NRIP1: variants seen among roughly 807,000 people sequenced by gnomAD.
NRIP1 encodes the protein nuclear receptor-interacting protein 1.
A neutral mutation model predicts 75.0 loss-of-function variants in NRIP1; 28 were observed. The observed-to-expected ratio is 0.37, with a 90% confidence interval of 0.28 to 0.51. The LOEUF is 0.51. Ranked by LOEUF, NRIP1 falls within the 20% of genes least tolerant of loss-of-function variation. NRIP1 has a pLI of 0.92. For missense variants in NRIP1, 1,435 were observed against 1,343.7 expected (o/e 1.07, Z -1.06); for synonymous variants, 526 against 487.6 (o/e 1.08, Z -1.04).
rs78976778 is a variant in NRIP1, at chr21:15,000,273, T to C, written c.-335+14071A>G. Among the ~76,000 whole-genome samples, 24 of 152,038 alleles carry C rather than the reference T, an allele frequency of 1.6e-4. No homozygotes were observed. In the East Asian group the frequency reaches 2.5e-3, roughly 16 times the overall value. On this transcript the variant is annotated intron_variant, in intron 3 of 3. Coordinates refer to ENST00000318948, the MANE Select transcript of NRIP1 (RefSeq NM_003489.4). ...ACACTGCACAGATTGAAACCACAAA[T>C]AGCCAAGAGAGAAGAAAGGAATGTA...
chr21:15,050,067 T>G (rs910868305), intron 1 of NRIP1: 7 of 152,266 alleles, frequency 4.6e-5, no homozygotes, highest in Admixed American at 2.6e-4. Context: ...CATAATAAAA[T>G]ACTAATTCCT....
rs2086669728 is a variant in NRIP1, at chr21:14,964,542, T to C, written c.*174A>G. ...TCAGTAGTTTCCTCATGACATCTAATGTTAAGCAAAAATTAGTATGCATAT... is the reference window on the plus strand; with the variant it reads ...TCAGTAGTTTCCTCATGACATCTAACGTTAAGCAAAAATTAGTATGCATAT... On this transcript the variant is annotated 3_prime_UTR_variant, in exon 4 of 4. Coordinates refer to ENST00000318948, the MANE Select transcript of NRIP1 (RefSeq NM_003489.4). The C allele has an allele frequency of 1.1e-5, 6 of 527,700 alleles. No homozygotes were observed. The highest frequency in any genetic ancestry group is 1.9e-5 in the Non-Finnish European group (6 of 310,992). The allele number at this position is 527,700 out of a possible 1,614,324, so 32.7% of individuals were successfully genotyped here.
chr21:15,037,400 C>A (rs1193373949), intron 2 of NRIP1, among the ~76,000 whole-genome samples: 1 of 152,178 alleles, frequency 6.6e-6, no homozygotes, highest in African/African-American at 2.4e-5. Flanking sequence ...TTCACCAATA[C>A]TTTGATTTAT....
At chr21:15,056,194 C>T (rs1478605745) in intron 1 of NRIP1, among the ~76,000 whole-genome samples, 1 of 151,770 alleles carries the variant, frequency 6.6e-6, no homozygotes, top group African/African-American at 2.4e-5. Context: ...TCCAGAGCAG[C>T]CGTAGCTTTT....
At chr21:15,064,340 A>C (rs920891977) in intron 1 of NRIP1, among the ~76,000 whole-genome samples, 1 of 152,164 alleles carries the variant, frequency 6.6e-6, no homozygotes, top group African/African-American at 2.4e-5. Flanking sequence ...GCCGCCCAGG[A>C]TCCGGCTGGA....
chr21:15,046,559 A>C (rs2089080324), intron 1 of NRIP1, among the ~76,000 whole-genome samples: 1 of 152,172 alleles, frequency 6.6e-6, no homozygotes, highest in Admixed American at 6.5e-5. Context: ...GGAATGGCCA[A>C]ACATTGGTTT....
chr21:15,047,989 A>G (rs2403873), intron 1 of NRIP1, among the ~76,000 whole-genome samples: 43,906 of 151,980 alleles, frequency 0.29, 8,934 homozygotes, highest in African/African-American at 0.58. Context: ...CCTAATTTCA[A>G]TATTGTTGTG....
chr21:14,963,870 AG>A lies in NRIP1; in HGVS notation c.*845del, dbSNP rs1245901680. 6.6e-6 allele frequency: 1 copy of A among 152,500 alleles called. No individual in the cohort carries two copies. The highest frequency in any genetic ancestry group is 1.5e-5 in the Non-Finnish European group (1 of 68,038). 9.4% of individuals were successfully genotyped at this position (152,500 alleles called of 1,614,324 possible). ...ACAAGAGATGGTGAAAACTGTCCAA[AG>A]AAAAGCCATTTTGCTTCTGTTAAAA... is the stretch of plus-strand genomic sequence containing the variant. On this transcript the variant is annotated 3_prime_UTR_variant, in exon 4 of 4. Transcript: ENST00000318948.
intron 3 of NRIP1, among the ~76,000 whole-genome samples, chr21:14,987,768 G>C (rs376845150): frequency 9.2e-5 from 14 of 152,298 alleles, no homozygotes; most frequent in African/African-American, 3.1e-4. Context: ...TACTAGGATA[G>C]AGTTGTCTTT....
At chr21:15,048,312 A>T (rs547672113) in intron 1 of NRIP1, among the ~76,000 whole-genome samples, 6 of 152,362 alleles carry the variant, frequency 3.9e-5, no homozygotes, top group South Asian at 4.1e-4. Context: ...TTTGTAAAAA[A>T]CAAAATTATC....
intron 3 of NRIP1, among the ~76,000 whole-genome samples, chr21:14,985,505 C>G (rs1420056370): frequency 6.6e-6 from 1 of 152,142 alleles, no homozygotes; most frequent in Non-Finnish European, 1.5e-5. Flanking sequence ...TGGTTTTAAA[C>G]TCCTGACCTC....
rs758275058 is a variant in NRIP1, at chr21:14,967,758, C to T, written c.435G>A (p.Gln145=). The change falls in exon 4 of 4, where the codon CAG becomes CAA. Residue 145 remains glutamine (Q), a synonymous_variant. Transcript: ENST00000318948. Reference sequence around the variant, plus strand: ...TGATTTGTTGTGACAGAGCAACAGTCTGCAGCCTAGAGCTGAATGACTGAA... The same window carrying T: ...TGATTTGTTGTGACAGAGCAACAGTTTGCAGCCTAGAGCTGAATGACTGAA... ...SLLQSFSSRL[Q]TVALSQQIRQ... The T allele has an allele frequency of 1.2e-6, 2 of 1,614,036 alleles. No individual in the cohort carries two copies.
At chr21:15,004,765 A>C (rs763412355) in intron 3 of NRIP1, among the ~76,000 whole-genome samples, 1 of 152,250 alleles carries the variant, frequency 6.6e-6, no homozygotes, top group Non-Finnish European at 1.5e-5. Flanking sequence ...AAGTTGAGAA[A>C]CCTGAATGAT....
chr21:15,059,921 A>G (rs966192393), intron 1 of NRIP1, among the ~76,000 whole-genome samples: 1 of 152,208 alleles, frequency 6.6e-6, no homozygotes, highest in Non-Finnish European at 1.5e-5. Context: ...ACAAAATACT[A>G]ATATAATGAT....
chr21:15,023,119 A>G (rs1447430040), intron 2 of NRIP1, among the ~76,000 whole-genome samples: 2 of 152,228 alleles, frequency 1.3e-5, no homozygotes, highest in Non-Finnish European at 2.9e-5. Context: ...TTTTAAGATC[A>G]TGAAACTGTT....
At chr21:15,017,026 G>C (rs2088250884) in intron 2 of NRIP1, among the ~76,000 whole-genome samples, 1 of 151,594 alleles carries the variant, frequency 6.6e-6, no homozygotes, top group Non-Finnish European at 1.5e-5. Flanking sequence ...AGGAAGGAAG[G>C]AAGGAAAGAG....
At chr21:14,972,565 T>C (rs529241962) in intron 3 of NRIP1, among the ~76,000 whole-genome samples, 1 of 152,312 alleles carries the variant, frequency 6.6e-6, no homozygotes, top group Admixed American at 6.5e-5. Flanking sequence ...TTTATATAAA[T>C]ATAACTTAAG....
intron 2 of NRIP1, among the ~76,000 whole-genome samples, chr21:15,029,245 C>T (rs1600894016): frequency 6.6e-6 from 1 of 152,190 alleles, no homozygotes; most frequent in East Asian, 1.9e-4. Context: ...CTGCTCAAAA[C>T]TTTCTAGGGG....
chr21:15,036,223 T>G (rs946432751), intron 2 of NRIP1, among the ~76,000 whole-genome samples: 1 of 152,246 alleles, frequency 6.6e-6, no homozygotes, highest in Non-Finnish European at 1.5e-5. Context: ...TAAAGGGCTG[T>G]GTATACTGCC....
Sources: gnomAD v4.1 joint callset for allele counts (sites outside exome capture counted in the v4.1 genomes callset) on GRCh38, gnomAD v4.1.1 for gene constraint, MANE v1.5 for transcripts, NCBI Gene and HGNC (gene_info 2026-07-23, HGNC 2026-07-21) for gene names.